The following DNM3 variants were observed in gnomAD, a reference collection of about 807,000 sequenced individuals.
The protein encoded by DNM3 is dynamin-3.
DNM3 carries 47 observed loss-of-function variants against 101.6 expected under a neutral mutation model. That is an observed-to-expected ratio of 0.46 (90% CI 0.37 to 0.59). DNM3 has a LOEUF of 0.59. Among genes scored for constraint, DNM3 ranks in the 20% least tolerant of loss-of-function variants. DNM3 has a pLI of 0.00. For synonymous variants in DNM3, 385 were observed against 387.9 expected (o/e 0.99, Z 0.09); for missense variants, 849 against 1,085.7 (o/e 0.78, Z 3.06).
intron 2 of DNM3, among the ~76,000 whole-genome samples, chr1:171,924,446 T>TC (rs2040404264): frequency 1.3e-5 from 2 of 152,206 alleles, no homozygotes; most frequent in Admixed American, 1.3e-4. Context: ...TTTCATTGAC[T>TC]CACAGTTCAG....
chr1:172,355,622 A>G (rs370780765), intron 17 of DNM3, among the ~76,000 whole-genome samples: 2 of 152,108 alleles, frequency 1.3e-5, no homozygotes, highest in Admixed American at 6.6e-5. Flanking sequence ...TAAGCTACCA[A>G]TGTGACGTAG....
Position 172,409,261 on chromosome 1 carries a change from G to C in DNM3, c.*1420G>C. The C allele has an allele frequency of 1.0e-6, 1 of 985,312 alleles. No individual in the cohort carries two copies. The highest frequency in any genetic ancestry group is 4.7e-5 in the South Asian group (1 of 21,288). 61.0% of individuals were successfully genotyped at this position (985,312 alleles called of 1,614,324 possible). On this transcript the variant is annotated 3_prime_UTR_variant, in exon 21 of 21. Coordinates refer to ENST00000627582, the MANE Select transcript of DNM3 (RefSeq NM_015569.5). ...TTCATATTCTACAGAAGTAAATCAG[G>C]TTTCACCAACTGAAATGTCTCCCTT... is the stretch of plus-strand genomic sequence containing the variant.
At chr1:172,162,554 C>T (rs1184452910) in intron 14 of DNM3, among the ~76,000 whole-genome samples, 2 of 152,004 alleles carry the variant, frequency 1.3e-5, no homozygotes, top group Non-Finnish European at 2.9e-5. Context: ...CTGCTTTAAA[C>T]GTATTCCACT....
intron 13 of DNM3, among the ~76,000 whole-genome samples, chr1:172,101,782 T>G (rs2054659137): frequency 6.6e-6 from 1 of 152,094 alleles, no homozygotes; most frequent in Non-Finnish European, 1.5e-5. Flanking sequence ...TCTAATAGTT[T>G]GTAAATTTCA....
At chr1:172,279,989 A>T (rs969817605) in intron 15 of DNM3, among the ~76,000 whole-genome samples, 9 of 152,154 alleles carry the variant, frequency 5.9e-5, no homozygotes, top group Admixed American at 4.6e-4. Context: ...ATCATGGCCT[A>T]TGAGCCCCTC....
intron 4 of DNM3, among the ~76,000 whole-genome samples, chr1:172,008,181 G>A (rs1003074749): frequency 4.0e-5 from 6 of 151,232 alleles, no homozygotes; most frequent in East Asian, 3.9e-4. Context: ...TGTTTCCTCC[G>A]GTATGCAGAA....
chr1:171,908,908 C>T (rs1045031103), intron 1 of DNM3, among the ~76,000 whole-genome samples: 3 of 152,168 alleles, frequency 2.0e-5, no homozygotes, highest in African/African-American at 7.2e-5. Flanking sequence ...GTCCCTCCCT[C>T]CTTCCCTACT....
At chr1:172,028,282 G>A (rs894369256) in intron 4 of DNM3, among the ~76,000 whole-genome samples, 4 of 152,002 alleles carry the variant, frequency 2.6e-5, no homozygotes, top group Admixed American at 6.6e-5. Context: ...ACCACACAAC[G>A]TCATGGAAAC....
rs1287367743 is a variant in DNM3 at position 171,962,051 on chromosome 1, G to C, written c.236-25605G>C. ...TGGCAGAGGGTATCACATGGTTAGG[G>C]GGAAGAGTTTGCTAATGTATTTGCT... On this transcript the variant is annotated intron_variant, in intron 2 of 20. Transcript: ENST00000627582. Among the ~76,000 whole-genome samples, 4 of 152,220 alleles carry C rather than the reference G, an allele frequency of 2.6e-5. No individual in the cohort carries two copies. In the East Asian group the frequency reaches 7.7e-4, roughly 29 times the overall value.
Position 172,210,802 on chromosome 1 carries a change from A to G in DNM3, c.1660-42771A>G, listed in dbSNP as rs189790254. ...TGTGGAAAATCCGAGGCTTCAACAT[A>G]CATCAGCATGTCCTTTAAGGTATAA... On this transcript the variant is annotated intron_variant, in intron 14 of 20. Coordinates refer to ENST00000627582, the MANE Select transcript of DNM3 (RefSeq NM_015569.5). 7.9e-5 allele frequency among the ~76,000 whole-genome samples: 12 copies of G among 152,238 alleles called. No individual in the cohort carries two copies. In the East Asian group the frequency reaches 2.1e-3, roughly 27 times the overall value.
chr1:172,390,758 C>A (rs974533534), intron 20 of DNM3, among the ~76,000 whole-genome samples: 2 of 152,086 alleles, frequency 1.3e-5, no homozygotes, highest in Non-Finnish European at 2.9e-5. Flanking sequence ...GCCATTGTAC[C>A]AGGAAGGTAT....
intron 2 of DNM3, among the ~76,000 whole-genome samples, chr1:171,927,344 T>A (rs1276181176): frequency 1.3e-5 from 2 of 152,172 alleles, no homozygotes; most frequent in East Asian, 3.8e-4. Flanking sequence ...ATCCAGGTTT[T>A]AAGTCCAGTA....
intron 15 of DNM3, among the ~76,000 whole-genome samples, chr1:172,299,220 G>A (rs1372532155): frequency 6.6e-6 from 1 of 152,216 alleles, no homozygotes; most frequent in African/African-American, 2.4e-5. Context: ...GGCACAGAAA[G>A]AGCAAAGTGT....
intron 14 of DNM3, among the ~76,000 whole-genome samples, chr1:172,190,089 C>A (rs1293346621): frequency 6.6e-6 from 1 of 151,428 alleles, no homozygotes; most frequent in East Asian, 1.9e-4. Flanking sequence ...TATACATGTC[C>A]CATGTTGGTG....
intron 16 of DNM3, among the ~76,000 whole-genome samples, chr1:172,317,121 C>T (rs1387836037): frequency 1.3e-5 from 2 of 151,384 alleles, no homozygotes; most frequent in South Asian, 2.1e-4. Flanking sequence ...AACTGAACAA[C>T]CTGCTCCTGA....
At chr1:171,884,556 C>T (rs116314316) in intron 1 of DNM3, among the ~76,000 whole-genome samples, 12 of 152,284 alleles carry the variant, frequency 7.9e-5, no homozygotes, top group African/African-American at 2.4e-4. Context: ...AGAACAATAG[C>T]CATTAATTTA....
chr1:172,307,673 A>G (rs1573396998), intron 15 of DNM3, among the ~76,000 whole-genome samples: 1 of 152,180 alleles, frequency 6.6e-6, no homozygotes, highest in Non-Finnish European at 1.5e-5. Flanking sequence ...GCACATGTAC[A>G]CCATGGAATA....
chr1:172,062,158 C>T (rs1390138756), intron 10 of DNM3, among the ~76,000 whole-genome samples: 2 of 152,138 alleles, frequency 1.3e-5, no homozygotes, highest in Admixed American at 6.5e-5. Flanking sequence ...CCTGATTTTC[C>T]TCCCACTTTC....
chr1:172,127,850 G>T (rs1407053267), intron 13 of DNM3, among the ~76,000 whole-genome samples: 1 of 152,092 alleles, frequency 6.6e-6, no homozygotes, highest in Non-Finnish European at 1.5e-5. Context: ...ACCTATTCTG[G>T]TTTTAACTGT....
Sources: allele counts gnomAD v4.1 joint callset (sites outside exome capture counted in the v4.1 genomes callset), GRCh38; gene constraint gnomAD v4.1.1; transcripts MANE v1.5; gene names NCBI Gene and HGNC (gene_info 2026-07-23, HGNC 2026-07-21).